CPN1: variants seen among roughly 807,000 people sequenced by gnomAD.
CPN1 encodes the protein carboxypeptidase N catalytic chain.
A neutral mutation model predicts 46.4 loss-of-function variants in CPN1; 37 were observed. That is an observed-to-expected ratio of 0.80 (90% confidence interval 0.61 to 1.05). The LOEUF (loss-of-function observed/expected upper bound fraction) is 1.05, where lower values mean the gene tolerates loss of function less well. Among genes scored for constraint, CPN1 ranks in the 50% least tolerant of loss-of-function variants. The pLI, the probability that CPN1 is intolerant of heterozygous loss-of-function variation, is 0.00. For synonymous variants in CPN1, 224 were observed against 235.4 expected (o/e 0.95, Z 0.44); for missense variants, 563 against 602.6 (o/e 0.93, Z 0.69).
intron 5 of CPN1, among the ~76,000 whole-genome samples, chr10:100,062,378 T>G (rs1283312072): frequency 6.6e-6 from 1 of 152,142 alleles, no homozygotes; most frequent in Non-Finnish European, 1.5e-5. Context: ...GGCAAACCCC[T>G]GCTTGTGGGG....
At chr10:100,065,505 T>C in intron 3 of CPN1, 135 bp from the exon 4 acceptor site, 1 of 906,050 alleles carries the variant, frequency 1.1e-6, no homozygotes, top group Non-Finnish European at 1.7e-6. Context: ...CTGGCGGATA[T>C]GAAAAGTGGA....
At chr10:100,054,277 C>T in intron 7 of CPN1, 70 bp downstream of exon 7, 2 of 1,238,686 alleles carry the variant, frequency 1.6e-6, no homozygotes, top group South Asian at 1.2e-5. Context: ...TACAAACTGG[C>T]CCCTTGATTA....
intron 1 of CPN1, among the ~76,000 whole-genome samples, chr10:100,077,389 C>G (rs1281805752): frequency 5.9e-5 from 9 of 152,072 alleles, no homozygotes; most frequent in Admixed American, 5.2e-4. Flanking sequence ...TGCCACCACA[C>G]TTGGCTGATT....
Position 100,063,657 on chromosome 10 carries a change from T to C in CPN1, c.828A>G (p.Pro276=). The C allele has an allele frequency of 1.2e-6, 2 of 1,614,058 alleles. No individual in the cohort carries two copies. The highest frequency in any genetic ancestry group is 2.2e-5 in the South Asian group (2 of 91,078). ...AGGAAGCCCCATTGGTGATGCCATC[T>C]GGGAAGTAATCTCCGCAGTTCCAAC... ...FQGWNCGDYF[P]DGITNGASWY... Residue 276 remains proline (P), a synonymous_variant, in exon 5 of 9, where the codon CCA becomes CCG. Coordinates refer to ENST00000370418, the MANE Select transcript of CPN1 (RefSeq NM_001308.3).
At chr10:100,063,524 C>A in intron 5 of CPN1, 90 bp downstream of exon 5, 1 of 996,120 alleles carries the variant, frequency 1.0e-6, no homozygotes, top group South Asian at 1.3e-5. Flanking sequence ...CTATGCTATT[C>A]CCATTGTTTC....
intron 5 of CPN1, among the ~76,000 whole-genome samples, chr10:100,062,269 T>C (rs750339091): frequency 1.3e-5 from 2 of 152,242 alleles, no homozygotes; most frequent in Non-Finnish European, 2.9e-5. Flanking sequence ...AGGTTCTATC[T>C]TGACCCCTGG....
chr10:100,051,875 T>A (rs2041356218), intron 7 of CPN1, among the ~76,000 whole-genome samples: 1 of 152,016 alleles, frequency 6.6e-6, no homozygotes, highest in African/African-American at 2.4e-5. Context: ...TGGCACTTAT[T>A]GGAAAAATTA....
intron 2 of CPN1, 47 bp downstream of exon 2, chr10:100,075,864 C>T (rs2041510199): frequency 6.3e-7 from 1 of 1,591,158 alleles, no homozygotes; most frequent in Non-Finnish European, 8.6e-7. Context: ...ACTTTATTTC[C>T]TAAGAAGGCC....
Position 100,069,700 on chromosome 10 carries a change from A to C in CPN1, c.576+14T>G. On this transcript the variant is annotated intron_variant, in intron 3 of 8. Coordinates refer to ENST00000370418, the MANE Select transcript of CPN1 (RefSeq NM_001308.3). ...GCTGATTTACCTGCTTTGTTTGCAA[A>C]TTTCATCTCCTACCTGACTTTTCCA... is the stretch of plus-strand genomic sequence containing the variant. The C allele has an allele frequency of 1.2e-6, 2 of 1,613,648 alleles. No individual in the cohort carries two copies. The highest frequency in any genetic ancestry group is 1.7e-6 in the Non-Finnish European group (2 of 1,179,960).
At chr10:100,080,307 G>C (rs2041537512) in intron 1 of CPN1, among the ~76,000 whole-genome samples, 1 of 152,166 alleles carries the variant, frequency 6.6e-6, no homozygotes, top group South Asian at 2.1e-4. Context: ...GTCATGCAAT[G>C]AGCTATTACA....
chr10:100,054,033 C>T (rs1356453691), intron 7 of CPN1, among the ~76,000 whole-genome samples: 1 of 152,192 alleles, frequency 6.6e-6, no homozygotes, highest in Non-Finnish European at 1.5e-5. Context: ...ATACCCCTAA[C>T]AAAATTGTAT....
chr10:100,056,034 A>G (rs1159876426), intron 6 of CPN1, among the ~76,000 whole-genome samples: 2 of 152,214 alleles, frequency 1.3e-5, no homozygotes, highest in Non-Finnish European at 2.9e-5. Flanking sequence ...TTGCTGGAGC[A>G]CATAGGAATT....
chr10:100,068,213 CT>C (rs565871714), intron 3 of CPN1, among the ~76,000 whole-genome samples: 3,696 of 127,244 alleles, frequency 0.029, 145 homozygotes, highest in African/African-American at 0.1. Context: ...ATTCCCTGAA[CT>C]TTTTTTTTTT....
At chr10:100,076,552 A>T (rs753479427) in intron 1 of CPN1, among the ~76,000 whole-genome samples, 2 of 152,232 alleles carry the variant, frequency 1.3e-5, no homozygotes, top group Non-Finnish European at 1.5e-5. Flanking sequence ...CAGGATAAGG[A>T]TGTTCCCCAG....
chr10:100,063,173 T>G (rs4459228), intron 5 of CPN1, among the ~76,000 whole-genome samples: 46,520 of 152,008 alleles, frequency 0.31, 7,867 homozygotes, highest in Non-Finnish European at 0.4. Context: ...CAGGCTGGAG[T>G]GCAGTGATGC....
Position 100,057,240 on chromosome 10 carries a change from TTC to T in CPN1, c.872-90_872-89del, listed in dbSNP as rs1183050807. On this transcript the variant is annotated intron_variant, in intron 5 of 8. Coordinates refer to ENST00000370418, the MANE Select transcript of CPN1 (RefSeq NM_001308.3). Reference sequence around the variant, plus strand: ...TCTCTCTCTCTCTCTTTTTAAAATTTTCTGTTTTTATTTATTTGGGAATTACC... The same window carrying T: ...TCTCTCTCTCTCTCTTTTTAAAATTTTGTTTTTATTTATTTGGGAATTACC... The T allele has an allele frequency of 1.0e-5, 15 of 1,482,660 alleles. No homozygotes were observed. In the African/African-American group the frequency reaches 1.4e-4, roughly 14 times the overall value. 91.8% of individuals were successfully genotyped at this position (1,482,660 alleles called of 1,614,324 possible). A position where few individuals can be genotyped will look rare whatever the true frequency, so the allele number is the denominator to read the frequency against.
chr10:100,051,265 C>T (rs528317757), intron 7 of CPN1, among the ~76,000 whole-genome samples: 53 of 151,936 alleles, frequency 3.5e-4, no homozygotes, highest in Non-Finnish European at 7.1e-4. Flanking sequence ...TTTTCTGCCC[C>T]CTATTAAATG....
In CPN1 at chr10:100,042,319, A is replaced by G; in HGVS notation, c.*108T>C. 2.1e-6 allele frequency: 3 copies of G among 1,434,402 alleles called. No individual in the cohort carries two copies. Among genetic ancestry groups the G allele is most frequent in the Non-Finnish European group, 2.9e-6 (3 of 1,023,688 alleles). The allele number at this position is 1,434,402 out of a possible 1,614,324, so 88.9% of individuals were successfully genotyped here. A position where few individuals can be genotyped will look rare whatever the true frequency, so the allele number is the denominator to read the frequency against. On this transcript the variant is annotated 3_prime_UTR_variant, in exon 9 of 9. Coordinates refer to ENST00000370418, the MANE Select transcript of CPN1 (RefSeq NM_001308.3). ...TGGAGACCATTCTGAATTGTTCTGA[A>G]TATGTTTGTATTTAAATATGTCCCA...
At chr10:100,055,205 T>C (rs1406822843) in intron 6 of CPN1, among the ~76,000 whole-genome samples, 1 of 151,540 alleles carries the variant, frequency 6.6e-6, no homozygotes, top group Non-Finnish European at 1.5e-5. Flanking sequence ...GCCACTGCAC[T>C]CCAGCCTGGG....
Sources: gnomAD v4.1 joint callset for allele counts (sites outside exome capture counted in the v4.1 genomes callset) on GRCh38, gnomAD v4.1.1 for gene constraint, MANE v1.5 for transcripts, NCBI Gene and HGNC (gene_info 2026-07-23, HGNC 2026-07-21) for gene names.